PSMC4: variants seen among roughly 807,000 people sequenced by gnomAD.
PSMC4 encodes proteasome 26S subunit, ATPase 4.
PSMC4 carries 13 observed loss-of-function variants against 48.4 expected under a neutral mutation model. That is an observed-to-expected ratio of 0.27 (90% CI 0.18 to 0.43). The LOEUF is 0.43. PSMC4 is among the 20% of genes least tolerant of loss of function. PSMC4 has a pLI of 1.00. For synonymous variants in PSMC4, 202 were observed against 212.3 expected (o/e 0.95, Z 0.42); for missense variants, 262 against 555.9 (o/e 0.47, Z 5.32).
chr19:39,973,482 G>A (rs1373083908), intron 3 of PSMC4, among the ~76,000 whole-genome samples: 1 of 151,736 alleles, frequency 6.6e-6, no homozygotes, highest in Admixed American at 6.6e-5. Context: ...TACGCAGGTG[G>A]TTGAGGCACA....
chr19:39,972,596 C>A, intron 3 of PSMC4, 41 bp downstream of exon 3: 1 of 1,556,706 alleles, frequency 6.4e-7, no homozygotes, highest in Non-Finnish European at 8.7e-7. Flanking sequence ...GTCCACTTAA[C>A]AACTATTTCC....
Position 39,972,351 on chromosome 19 carries a change from TC to T in PSMC4, c.136-14del, listed in dbSNP as rs1411501858. ...GCAAGTCTGGAGCCATCCCCTTCTG[TC>T]CCCTCTCTGCTCGCAGAAGCTGCAG... On this transcript the variant is annotated splice_polypyrimidine_tract_variant and intron_variant, in intron 2 of 10. Coordinates refer to ENST00000157812, the MANE Select transcript of PSMC4 (RefSeq NM_006503.4). 6.2e-7 allele frequency: 1 copy of T among 1,613,032 alleles called. No homozygotes were observed. The highest frequency in any genetic ancestry group is 2.2e-5 in the East Asian group (1 of 44,846).
rs751185836 is a variant in PSMC4, at chr19:39,979,845, G to T, written c.702G>T (p.Glu234Asp). The change falls in exon 7 of 11, where the codon GAG becomes GAT. Residue 234 changes from glutamate (E) to aspartate (D), a missense_variant. By Grantham distance (45) the Glu-to-Asp change is conservative (BLOSUM62 2). Coordinates refer to ENST00000157812, the MANE Select transcript of PSMC4 (RefSeq NM_006503.4). Reference protein sequence around the residue: ...TAAFIRVVGSEFVQKYLGEGP... With the variant: ...TAAFIRVVGSDFVQKYLGEGP... The stretch of plus-strand genomic sequence containing the variant: ...CATTCATCCGGGTCGTGGGCTCGGA[G>T]TTTGTACAGAAGTATCTGGGTGAGG... The T allele has an allele frequency of 6.2e-7, 1 of 1,614,166 alleles. No individual in the cohort carries two copies. Among genetic ancestry groups the T allele is most frequent in the Non-Finnish European group, 8.5e-7 (1 of 1,180,028 alleles).
At position 39,974,992 on chromosome 19, in the gene PSMC4, A is replaced by C. The variant is rs1309540984; in HGVS notation, c.673+164A>C. ...GACTTCACCTCCTTGGGCCTCTCCT[A>C]GTAGTTGAAGACTCATTTCACCCGG... On this transcript the variant is annotated intron_variant, in intron 6 of 10. Transcript: ENST00000157812. This position sits in a 1 kb window ranked among gnomAD's most constrained non-coding sequence, Gnocchi z 5.5. Among the ~76,000 whole-genome samples the C allele has an allele frequency of 6.6e-6, 1 of 152,216 alleles. No homozygotes were observed. Among genetic ancestry groups the C allele is most frequent in the African/African-American group, 2.4e-5 (1 of 41,460 alleles).
chr19:39,971,295 G>A lies in PSMC4; in HGVS notation c.36+57G>A, dbSNP rs1971096961. The A allele has an allele frequency of 5.0e-6, 8 of 1,604,762 alleles. No individual in the cohort carries two copies. In the South Asian group the frequency reaches 8.8e-5, roughly 18 times the overall value. On this transcript the variant is annotated intron_variant, in intron 1 of 10. Coordinates refer to ENST00000157812, the MANE Select transcript of PSMC4 (RefSeq NM_006503.4). ...GCCGGGCTCGCGGGGAGAGGGTGAAGCCAGACCTGAGTGGGGGGAGGAATG... is the reference window on the plus strand; with the variant it reads ...GCCGGGCTCGCGGGGAGAGGGTGAAACCAGACCTGAGTGGGGGGAGGAATG...
intron 6 of PSMC4, among the ~76,000 whole-genome samples, chr19:39,977,995 C>A (rs1435148922): frequency 6.6e-6 from 1 of 151,862 alleles, no homozygotes; most frequent in Non-Finnish European, 1.5e-5. Flanking sequence ...ATTTTTGTAT[C>A]TTCATTTTCA....
intron 1 of PSMC4, among the ~76,000 whole-genome samples, chr19:39,971,835 G>A (rs1287209133): frequency 6.6e-6 from 1 of 152,128 alleles, no homozygotes; most frequent in Non-Finnish European, 1.5e-5. Flanking sequence ...AGGGGATTGG[G>A]TGGCATTTGG....
At chr19:39,973,601 AAAAT>A (rs1971142796) in intron 3 of PSMC4, among the ~76,000 whole-genome samples, 2 of 151,702 alleles carry the variant, frequency 1.3e-5, no homozygotes, top group African/African-American at 4.8e-5. Flanking sequence ...AAAAAAAAAA[AAAAT>A]ACTGGGCCCT....
chr19:39,980,327 C>A lies in PSMC4; in HGVS notation c.960C>A (p.Ala320=). 1 of 1,614,082 alleles carries A rather than the reference C, an allele frequency of 6.2e-7. No individual in the cohort carries two copies. Among genetic ancestry groups the A allele is most frequent in the Non-Finnish European group, 8.5e-7 (1 of 1,180,018 alleles). ...ATNRADTLDP[A]LLRPGRLDRK... is the part of the protein sequence containing the mutation. ...ACAGAGCAGACACCCTGGATCCGGC[C>A]CTGCTACGGCCAGGACGGCTGGACC... Residue 320 remains alanine, a synonymous_variant, in exon 9 of 11, where the codon GCC becomes GCA. Coordinates refer to ENST00000157812, the MANE Select transcript of PSMC4 (RefSeq NM_006503.4). The surrounding 1 kb of genome is among the most constrained non-coding windows in gnomAD (Gnocchi z 4.8).
chr19:39,974,509 C>G lies in PSMC4; in HGVS notation c.470-15C>G. ...GAGGACCTGGCCAGGAGCCCCAGCT[C>G]TGCTCTCCCACCAGACCAGAAGCCA... On this transcript the variant is annotated splice_polypyrimidine_tract_variant and intron_variant, in intron 4 of 10. Coordinates refer to ENST00000157812, the MANE Select transcript of PSMC4 (RefSeq NM_006503.4). This position sits in a 1 kb window ranked among gnomAD's most constrained non-coding sequence, Gnocchi z 5.5. 1 of 1,613,748 alleles carries G rather than the reference C, an allele frequency of 6.2e-7. No individual in the cohort carries two copies. The highest frequency in any genetic ancestry group is 1.3e-5 in the African/African-American group (1 of 75,050).
intron 6 of PSMC4, among the ~76,000 whole-genome samples, chr19:39,976,349 C>A (rs1032701150): frequency 1.5e-5 from 2 of 137,838 alleles, no homozygotes; most frequent in African/African-American, 5.4e-5. Context: ...TTGCAGTGAG[C>A]CGAGATGGCG....
Position 39,972,362 on chromosome 19 carries a change from C to T in PSMC4, c.136-7C>T, listed in dbSNP as rs758312897. On this transcript the variant is annotated splice_polypyrimidine_tract_variant and splice_region_variant and intron_variant, in intron 2 of 10. Coordinates refer to ENST00000157812, the MANE Select transcript of PSMC4 (RefSeq NM_006503.4). ...GCCATCCCCTTCTGTCCCCTCTCTG[C>T]TCGCAGAAGCTGCAGCAAGAGCTGG... 1.9e-6 allele frequency: 3 copies of T among 1,613,342 alleles called. No individual in the cohort carries two copies. In the East Asian group the frequency reaches 6.7e-5, roughly 36 times the overall value.
Position 39,980,181 on chromosome 19 carries a change from T to A in PSMC4, c.918+35T>A. On this transcript the variant is annotated intron_variant, in intron 8 of 10. Coordinates refer to ENST00000157812, the MANE Select transcript of PSMC4 (RefSeq NM_006503.4). This position sits in a 1 kb window ranked among gnomAD's most constrained non-coding sequence, Gnocchi z 4.8. The stretch of plus-strand genomic sequence containing the variant: ...TTGGGATGGACAAGGGGAGGTGTGG[T>A]GTAGGAACTGGGGAAAGTTGGGGGC... 6.2e-7 allele frequency: 1 copy of A among 1,613,624 alleles called. No homozygotes were observed. The highest frequency in any genetic ancestry group is 8.5e-7 in the Non-Finnish European group (1 of 1,179,784).
chr19:39,980,820 C>T lies in PSMC4; in HGVS notation c.1143+103C>T, dbSNP rs922982561. ...CTGTCCCCTCATGGCTGCCCTGGGT[C>T]GTGGGCGCCATCTCTCTCTTCCTCT... On this transcript the variant is annotated intron_variant, in intron 10 of 10. Coordinates refer to ENST00000157812, the MANE Select transcript of PSMC4 (RefSeq NM_006503.4). This position sits in a 1 kb window ranked among gnomAD's most constrained non-coding sequence, Gnocchi z 4.8. 22 of 1,160,402 alleles carry T rather than the reference C, an allele frequency of 1.9e-5. No individual in the cohort carries two copies. In the African/African-American group the frequency reaches 2.9e-4, roughly 15 times the overall value. The allele number at this position is 1,160,402 out of a possible 1,614,324, so 71.9% of individuals were successfully genotyped here.
intron 6 of PSMC4, among the ~76,000 whole-genome samples, chr19:39,976,105 C>G (rs781028080): frequency 2.0e-5 from 3 of 151,676 alleles, no homozygotes; most frequent in African/African-American, 7.3e-5. Flanking sequence ...GGTGTGGTGG[C>G]GGTCGCCTGT....
intron 6 of PSMC4, among the ~76,000 whole-genome samples, chr19:39,976,884 C>G (rs1474286701): frequency 3.6e-5 from 5 of 137,942 alleles, no homozygotes; most frequent in Non-Finnish European, 7.6e-5. Context: ...GAGTCTCACT[C>G]TGTAGCCCAG....
chr19:39,971,466 G>C (rs1389003171), intron 1 of PSMC4, among the ~76,000 whole-genome samples: 2 of 152,126 alleles, frequency 1.3e-5, no homozygotes, highest in African/African-American at 4.8e-5. Context: ...GACGTTAGTG[G>C]GTCTTTGAGA....
intron 6 of PSMC4, among the ~76,000 whole-genome samples, chr19:39,977,073 G>A (rs990047721): frequency 1.1e-4 from 17 of 150,876 alleles, no homozygotes; most frequent in Admixed American, 1.1e-3. Flanking sequence ...GGCAGGTCTC[G>A]AACTCCTGGC....
At chr19:39,976,755 C>T (rs1041454763) in intron 6 of PSMC4, among the ~76,000 whole-genome samples, 5 of 151,968 alleles carry the variant, frequency 3.3e-5, no homozygotes, top group African/African-American at 9.7e-5. Flanking sequence ...ATGATCCGCC[C>T]GCCTGGGCCT....
Sources: allele counts gnomAD v4.1 joint callset (sites outside exome capture counted in the v4.1 genomes callset), GRCh38; gene constraint gnomAD v4.1.1; non-coding constraint Gnocchi (gnomAD v3.1); transcripts MANE v1.5; gene names NCBI Gene and HGNC (gene_info 2026-07-23, HGNC 2026-07-21).